PBX1: variants seen among roughly 807,000 people sequenced by gnomAD.
The protein encoded by PBX1 is PBX homeobox 1.
In PBX1, 6 loss-of-function variants were observed where a neutral mutation model predicts 53.4. The ratio of observed to expected loss-of-function variants is 0.11; its 90% confidence interval spans 0.06 to 0.22. The LOEUF is 0.22. PBX1 is among the 10% of genes least tolerant of loss of function. The pLI, the probability that PBX1 is intolerant of heterozygous loss-of-function variation, is 1.00. For synonymous variants in PBX1, 204 were observed against 212.3 expected (o/e 0.96, Z 0.34); for missense variants, 251 against 551.4 (o/e 0.46, Z 5.46).
intron 2 of PBX1, among the ~76,000 whole-genome samples, chr1:164,621,900 C>T (rs1657705247): frequency 6.6e-6 from 1 of 152,204 alleles, no homozygotes; most frequent in Non-Finnish European, 1.5e-5. Flanking sequence ...AGAAGAAAAG[C>T]TCCCATCTTT....
chr1:164,602,612 C>A (rs1402409152), intron 2 of PBX1, among the ~76,000 whole-genome samples: 1 of 151,828 alleles, frequency 6.6e-6, no homozygotes, highest in Non-Finnish European at 1.5e-5. Flanking sequence ...TGTACCTGCA[C>A]CCCAATTCTG....
intron 2 of PBX1, among the ~76,000 whole-genome samples, chr1:164,590,188 G>A (rs966549893): frequency 4.7e-5 from 7 of 150,462 alleles, no homozygotes; most frequent in South Asian, 2.1e-4. Context: ...CTCCAGCCTG[G>A]GCAACAGAGC....
intron 2 of PBX1, among the ~76,000 whole-genome samples, chr1:164,658,271 C>T (rs973161996): frequency 1.3e-5 from 2 of 152,108 alleles, no homozygotes; most frequent in African/African-American, 4.8e-5. Context: ...TAAAAGTGAC[C>T]CTATACCCCA....
intron 2 of PBX1, among the ~76,000 whole-genome samples, chr1:164,665,268 T>C (rs1660741421): frequency 6.6e-6 from 1 of 152,152 alleles, no homozygotes; most frequent in Non-Finnish European, 1.5e-5. Flanking sequence ...TATTAAAATT[T>C]TCAGATTTTA....
At chr1:164,560,090 C>A in intron 1 of PBX1, 77 bp downstream of exon 1, 1 of 1,049,258 alleles carries the variant, frequency 9.5e-7, no homozygotes, top group Non-Finnish European at 1.3e-6. Context: ...CAATGGGAAC[C>A]GAATCACCAC....
intron 5 of PBX1, among the ~76,000 whole-genome samples, chr1:164,809,007 C>T (rs1669482766): frequency 6.6e-6 from 1 of 152,102 alleles, no homozygotes; most frequent in Admixed American, 6.6e-5. Flanking sequence ...CAAATCTAAA[C>T]CCCTTTTCCA....
At chr1:164,681,949 A>G (rs1004044869) in intron 2 of PBX1, among the ~76,000 whole-genome samples, 2 of 152,250 alleles carry the variant, frequency 1.3e-5, no homozygotes, top group African/African-American at 4.8e-5. Flanking sequence ...GAAACATTAA[A>G]TACACTAATA....
At chr1:164,881,592 G>GAAGGAAAGGAAAGGAATGGAAAGGA (rs1672659062) in intron 2 of PBX1, among the ~76,000 whole-genome samples, 1 of 94,062 alleles carries the variant, frequency 1.1e-5, no homozygotes, top group African/African-American at 5.6e-5. Context: ...AGGAAGGGAG[G>GAAGGAAAGGAAAGGAATGGAAAGGA]AAGGAAAGGA....
In PBX1 at chr1:164,809,928, A is replaced by T. The variant is rs559859938; in HGVS notation, c.838-2062A>T. ...ATTCTTGAGTGTCACCCTAATTCTGAATCAGAATCTTTGAGGGTGAAATCT... is the reference window on the plus strand; with the variant it reads ...ATTCTTGAGTGTCACCCTAATTCTGTATCAGAATCTTTGAGGGTGAAATCT... On this transcript the variant is annotated intron_variant, in intron 5 of 8. Transcript: ENST00000420696. Among the ~76,000 whole-genome samples, 11 of 152,304 alleles carry T rather than the reference A, an allele frequency of 7.2e-5. No homozygotes were observed. In the East Asian group the frequency reaches 1.9e-3, roughly 27 times the overall value.
chr1:164,842,906 GC>G (rs990177235), intron 8 of PBX1, among the ~76,000 whole-genome samples: 1 of 87,202 alleles, frequency 1.1e-5, no homozygotes, highest in Non-Finnish European at 2.3e-5. Context: ...TTTCCACCCC[GC>G]CCCCACCCAC....
At chr1:164,619,234 A>G (rs745414053) in intron 2 of PBX1, among the ~76,000 whole-genome samples, 27 of 152,126 alleles carry the variant, frequency 1.8e-4, no homozygotes, top group Non-Finnish European at 3.8e-4. Context: ...TGTGGCTGAC[A>G]TCTATCAGCT....
rs369127970 is a variant in PBX1, at chr1:164,735,087, A to G, written c.266-57407A>G. 2.4e-4 allele frequency among the ~76,000 whole-genome samples: 37 copies of G among 152,348 alleles called. 3 individuals are homozygous for G. The highest frequency in any genetic ancestry group is 8.9e-4 in the African/African-American group (37 of 41,584). The stretch of plus-strand genomic sequence containing the variant: ...TATACTGCGTAAGCTATAGTGCTCT[A>G]TAGTTTTAGCTCATCTATAATGCAT... On this transcript the variant is annotated intron_variant, in intron 2 of 8. Coordinates refer to ENST00000420696, the MANE Select transcript of PBX1 (RefSeq NM_002585.4).
At chr1:164,603,929 A>ATTTTTTT (rs71583414) in intron 2 of PBX1, among the ~76,000 whole-genome samples, 2,091 of 75,588 alleles carry the variant, frequency 0.028, 523 homozygotes, top group Non-Finnish European at 0.031. Flanking sequence ...ATGTCATTTC[A>ATTTTTTT]TTTTTTTTTT....
At position 164,559,699 on chromosome 1, in the gene PBX1, C is replaced by A; in HGVS notation, c.-124C>A. 1 of 648,416 alleles carries A rather than the reference C, an allele frequency of 1.5e-6. No individual in the cohort carries two copies. The highest frequency in any genetic ancestry group is 2.7e-5 in the South Asian group (1 of 37,316). The allele number at this position is 648,416 out of a possible 1,614,324, so 40.2% of individuals were successfully genotyped here. On this transcript the variant is annotated 5_prime_UTR_variant, in exon 1 of 9. Transcript: ENST00000420696. ...TTTTCTTTTGGTCTTCTTTTTTCCCCCTTCCCTGTTTATCCTGAAAAGGAT... is the reference window on the plus strand; with the variant it reads ...TTTTCTTTTGGTCTTCTTTTTTCCCACTTCCCTGTTTATCCTGAAAAGGAT...
rs1053529629 is a variant in PBX1 at position 164,848,516 on chromosome 1, G to A, written c.*1840G>A. The A allele has an allele frequency of 5.7e-6, 6 of 1,059,200 alleles. No individual in the cohort carries two copies. Among genetic ancestry groups the A allele is most frequent in the Admixed American group, 1.1e-4 (2 of 18,504 alleles). The allele number at this position is 1,059,200 out of a possible 1,614,324, so 65.6% of individuals were successfully genotyped here. On this transcript the variant is annotated 3_prime_UTR_variant, in exon 9 of 9. Coordinates refer to ENST00000420696, the MANE Select transcript of PBX1 (RefSeq NM_002585.4). ...TCTAGGGACAATAAATGGTTTTCTT[G>A]TTGTAACTTCTGGTTAATATCAGTA...
At chr1:164,765,956 T>C (rs1392952097) in intron 2 of PBX1, among the ~76,000 whole-genome samples, 2 of 152,194 alleles carry the variant, frequency 1.3e-5, no homozygotes, top group African/African-American at 4.8e-5. Flanking sequence ...TATGAACATG[T>C]ACCATGCCCC....
chr1:164,573,842 T>C (rs908878541), intron 2 of PBX1, among the ~76,000 whole-genome samples: 3 of 152,104 alleles, frequency 2.0e-5, no homozygotes, highest in African/African-American at 7.3e-5. Context: ...TAGCTACACA[T>C]GAGTAGTATC....
At chr1:164,634,226 A>T (rs1275099541) in intron 2 of PBX1, among the ~76,000 whole-genome samples, 2 of 152,082 alleles carry the variant, frequency 1.3e-5, no homozygotes, top group Non-Finnish European at 2.9e-5. Context: ...GGTTTCTGTG[A>T]GGTTTGGCCA....
Position 164,862,112 on chromosome 1 carries a change from C to G in PBX1, n.257+30629C>G, listed in dbSNP as rs115631406. Among the ~76,000 whole-genome samples, 1,119 of 152,194 alleles carry G rather than the reference C, an allele frequency of 7.4e-3. 10 individuals carry two copies. The highest frequency in any genetic ancestry group is 0.026 in the African/African-American group (1,081 of 41,520). ...TCTGGCAGCAGTGCTGTGAATAGACCACAGGGAAGCAGGTTTGGAAATAGG... is the reference window on the plus strand; with the variant it reads ...TCTGGCAGCAGTGCTGTGAATAGACGACAGGGAAGCAGGTTTGGAAATAGG... On this transcript the variant is annotated intron_variant and non_coding_transcript_variant, in intron 2 of 2. Transcript: ENST00000558796.
Sources: allele counts gnomAD v4.1 joint callset (sites outside exome capture counted in the v4.1 genomes callset), GRCh38; gene constraint gnomAD v4.1.1; transcripts MANE v1.5; gene names NCBI Gene and HGNC (gene_info 2026-07-23, HGNC 2026-07-21).